CLIC4: variants seen among roughly 807,000 people sequenced by gnomAD.
The protein encoded by CLIC4 is CLIC family member 4, also known as chloride intracellular channel protein 4.
CLIC4 carries 13 observed loss-of-function variants against 24.6 expected under a neutral mutation model. That is an observed-to-expected ratio of 0.53 (90% CI 0.34 to 0.84). The LOEUF (loss-of-function observed/expected upper bound fraction) is 0.84. Ranked by LOEUF, CLIC4 falls within the 40% of genes least tolerant of loss-of-function variation. The pLI, the probability that CLIC4 is intolerant of heterozygous loss-of-function variation, is 0.01. For missense variants in CLIC4, 227 were observed against 301.7 expected (o/e 0.75, Z 1.83); for synonymous variants, 104 against 111.3 (o/e 0.93, Z 0.41).
At chr1:24,793,528 C>G (rs947843898) in intron 1 of CLIC4, among the ~76,000 whole-genome samples, 7 of 152,032 alleles carry the variant, frequency 4.6e-5, no homozygotes, top group Non-Finnish European at 1.0e-4. Context: ...GATATGAGGC[C>G]CTGGGGTCTT....
chr1:24,786,745 G>A (rs1439216136), intron 1 of CLIC4, among the ~76,000 whole-genome samples: 3 of 152,084 alleles, frequency 2.0e-5, no homozygotes, highest in South Asian at 4.1e-4. Flanking sequence ...AGCCTCCCGA[G>A]TAGCTGGGAC....
chr1:24,799,532 G>C, intron 2 of CLIC4, among the ~76,000 whole-genome samples: 1 of 151,072 alleles, frequency 6.6e-6, no homozygotes, highest in African/African-American at 2.4e-5. Flanking sequence ...TCTCCGCCCG[G>C]CAGCCCCCCC....
chr1:24,813,099 T>C (rs1639632042), intron 2 of CLIC4, among the ~76,000 whole-genome samples: 1 of 150,254 alleles, frequency 6.7e-6, no homozygotes. Flanking sequence ...GCTGGAGTGC[T>C]GTGGTGAGAT....
At position 24,815,268 on chromosome 1, in the gene CLIC4, C is replaced by T. The variant is rs1370595100; in HGVS notation, c.308+1049C>T. 3.9e-5 allele frequency among the ~76,000 whole-genome samples: 6 copies of T among 152,150 alleles called. No homozygotes were observed. In the East Asian group the frequency reaches 1.2e-3, roughly 29 times the overall value. On this transcript the variant is annotated intron_variant, in intron 3 of 5. Transcript: ENST00000374379. ...ATCCCAGCACTTTGGGAGGCTGAGG[C>T]GGATGGATCACCTGAGGTTGGGAGT...
intron 2 of CLIC4, among the ~76,000 whole-genome samples, chr1:24,800,605 C>T (rs1347585215): frequency 6.6e-6 from 1 of 152,182 alleles, no homozygotes; most frequent in Non-Finnish European, 1.5e-5. Flanking sequence ...ATGACAATGG[C>T]GGCTTTGTGG....
chr1:24,770,406 G>T (rs961458500), intron 1 of CLIC4, among the ~76,000 whole-genome samples: 1 of 151,712 alleles, frequency 6.6e-6, no homozygotes. Flanking sequence ...AAATATAGAC[G>T]TGTAATCCAG....
intron 2 of CLIC4, among the ~76,000 whole-genome samples, chr1:24,805,706 G>A (rs989769148): frequency 1.3e-5 from 2 of 152,016 alleles, no homozygotes; most frequent in East Asian, 1.9e-4. Flanking sequence ...AGCCAGCTCC[G>A]GTGTTCTCTA....
At chr1:24,750,893 G>C (rs1025189232) in intron 1 of CLIC4, among the ~76,000 whole-genome samples, 3 of 151,974 alleles carry the variant, frequency 2.0e-5, no homozygotes, top group African/African-American at 7.2e-5. Flanking sequence ...TTTATAGGCA[G>C]ATCTCCCCTA....
At chr1:24,751,077 C>T (rs189271872) in intron 1 of CLIC4, among the ~76,000 whole-genome samples, 33 of 152,264 alleles carry the variant, frequency 2.2e-4, no homozygotes, top group Middle Eastern at 3.4e-3. Context: ...TTAGAAACCA[C>T]TTACTGAGAT....
intron 1 of CLIC4, among the ~76,000 whole-genome samples, chr1:24,762,999 C>T (rs1239711624): frequency 1.3e-5 from 2 of 152,114 alleles, no homozygotes; most frequent in Admixed American, 6.5e-5. Flanking sequence ...CCCAAATGGC[C>T]ACCTATTCCA....
intron 1 of CLIC4, among the ~76,000 whole-genome samples, chr1:24,790,485 A>C (rs1639320615): frequency 6.6e-6 from 1 of 152,256 alleles, no homozygotes; most frequent in Non-Finnish European, 1.5e-5. Context: ...AAACCGAATT[A>C]GATGGTAGTG....
In CLIC4 at chr1:24,841,824, C is replaced by A. The variant is rs57063413; in HGVS notation, c.*887C>A. 1,606 of 152,608 alleles carry A rather than the reference C, an allele frequency of 0.011. 38 individuals are homozygous for A. The highest frequency in any genetic ancestry group is 0.037 in the African/African-American group (1,527 of 41,506). 9.5% of individuals were successfully genotyped at this position (152,608 alleles called of 1,614,324 possible). ...GCTTGCTATTTGTACATCTGTTGAG[C>A]AACACTACATAACTGATTTTTAGTT... On this transcript the variant is annotated 3_prime_UTR_variant, in exon 6 of 6. Coordinates refer to ENST00000374379, the MANE Select transcript of CLIC4 (RefSeq NM_013943.3).
chr1:24,776,672 G>A (rs1639144659), intron 1 of CLIC4, among the ~76,000 whole-genome samples: 1 of 152,152 alleles, frequency 6.6e-6, no homozygotes, highest in Admixed American at 6.5e-5. Context: ...CAGGTGTCAT[G>A]GCTCATGCCT....
chr1:24,774,035 C>T (rs947204134), intron 1 of CLIC4, among the ~76,000 whole-genome samples: 14 of 152,044 alleles, frequency 9.2e-5, no homozygotes, highest in East Asian at 3.9e-4. Flanking sequence ...TGCAGTGGTG[C>T]GATCTTGGCT....
At chr1:24,840,638 G>A (rs1639932484) in intron 5 of CLIC4, 135 bp from the exon 6 acceptor site, 3 of 690,426 alleles carry the variant, frequency 4.3e-6, no homozygotes, top group Non-Finnish European at 7.1e-6. Flanking sequence ...TAGAATGATG[G>A]TGATGGACTT....
At chr1:24,783,267 CT>C (rs1016875218) in intron 1 of CLIC4, among the ~76,000 whole-genome samples, 1 of 152,196 alleles carries the variant, frequency 6.6e-6, no homozygotes, top group Non-Finnish European at 1.5e-5. Flanking sequence ...GGTTAAGTGA[CT>C]TGCCCTGTGG....
Position 24,820,079 on chromosome 1 carries a change from GTATA to G in CLIC4, c.308+5875_308+5878del, listed in dbSNP as rs779189334. 9.7e-3 allele frequency among the ~76,000 whole-genome samples: 449 copies of G among 46,336 alleles called. 82 individuals are homozygous for G. Among genetic ancestry groups the G allele is most frequent in the Non-Finnish European group, 0.013 (331 of 25,130 alleles). The allele number at this position is 46,336 out of a possible 152,430, so 30.4% of individuals were successfully genotyped here. A position where few individuals can be genotyped will look rare whatever the true frequency, so the allele number is the denominator to read the frequency against. On this transcript the variant is annotated intron_variant, in intron 3 of 5. Transcript: ENST00000374379. ...AAAAAAAAAGTATGTATATATATAT[GTATA>G]TATATATATATATAGACAGTATCTT... is the stretch of plus-strand genomic sequence containing the variant.
chr1:24,837,617 A>C lies in CLIC4; in HGVS notation c.416-2243A>C, dbSNP rs1036328753. 6.6e-5 allele frequency among the ~76,000 whole-genome samples: 10 copies of C among 152,356 alleles called. No homozygotes were observed. The East Asian group carries it at 1.9e-3, about 29-fold the overall frequency. On this transcript the variant is annotated intron_variant, in intron 4 of 5. Transcript: ENST00000374379. ...GACAATTTCAAGCCAATCTTTCTTTAATATAGATGCAAAAGTCTGAAATAA... is the reference window on the plus strand; with the variant it reads ...GACAATTTCAAGCCAATCTTTCTTTCATATAGATGCAAAAGTCTGAAATAA...
chr1:24,763,533 CAA>C (rs33955013), intron 1 of CLIC4, among the ~76,000 whole-genome samples: 5 of 78,944 alleles, frequency 6.3e-5, no homozygotes, highest in Non-Finnish European at 2.2e-5. Flanking sequence ...ACTCCGTCTC[CAA>C]AAAAAAAAAA....
Sources: allele counts gnomAD v4.1 joint callset (sites outside exome capture counted in the v4.1 genomes callset), GRCh38; gene constraint gnomAD v4.1.1; transcripts MANE v1.5; gene names NCBI Gene and HGNC (gene_info 2026-07-23, HGNC 2026-07-21).